The following DNAH17 variants were observed in gnomAD, a reference collection of about 807,000 sequenced individuals.
DNAH17 encodes the protein axonemal beta dynein heavy chain 17.
In DNAH17, 376 loss-of-function variants were observed where a neutral mutation model predicts 485.6. The observed-to-expected ratio is 0.77, with a 90% confidence interval of 0.71 to 0.84. DNAH17 has a LOEUF of 0.84. DNAH17 is among the 40% of genes least tolerant of loss of function. DNAH17 has a pLI of 0.00. For synonymous variants in DNAH17, 3,031 were observed against 2,405.9 expected (o/e 1.26, Z -7.60); for missense variants, 6,370 against 5,839.3 (o/e 1.09, Z -2.96).
In DNAH17 at chr17:78,560,851, G is replaced by A. The variant is rs1229395331; in HGVS notation, c.1920C>T (p.Ile640=). 6.4e-7 allele frequency: 1 copy of A among 1,551,858 alleles called. No individual in the cohort carries two copies. The highest frequency in any genetic ancestry group is 2.0e-5 in the Admixed American group (1 of 51,018). The change falls in exon 13 of 81, where the codon ATC becomes ATT. Residue 640 remains isoleucine (I), a synonymous_variant. Transcript: ENST00000389840. ...MELLRCHREK[I]YQQWVAGVDQ... is the part of the protein sequence containing the mutation. ...CCACGCCCGCCACCCACTGCTGGTA[G>A]ATCTTCTCGCGGTGGCACCTCAGCA...
In DNAH17 at chr17:78,428,583, T is replaced by G. The variant is rs1568037461; in HGVS notation, c.12530A>C (p.Glu4177Ala). The G allele has an allele frequency of 6.2e-7, 1 of 1,613,926 alleles. No homozygotes were observed. Among genetic ancestry groups the G allele is most frequent in the Non-Finnish European group, 8.5e-7 (1 of 1,179,868 alleles). Residue 4177 changes from glutamate (E) to alanine (A), a missense_variant, in exon 77 of 81, where the codon GAA becomes GCA. Physicochemically the swap from Glu to Ala is moderately radical, Grantham distance 107. Transcript: ENST00000389840. ...TSEKLFRTVL[E>A]MQPKETDSGA... The stretch of plus-strand genomic sequence containing the variant: ...CGAGTCCGTCTCTTTTGGCTGCATT[T>G]CCAGGACAGTGCGGAACAGCTTCTC...
At chr17:78,458,831 C>G in intron 61 of DNAH17, 151 bp from the exon 62 acceptor site, 5 of 1,011,676 alleles carry the variant, frequency 4.9e-6, no homozygotes, top group Non-Finnish European at 7.5e-6. Flanking sequence ...GCTAAGGACA[C>G]CAAGCGGCTC....
Position 78,558,153 on chromosome 17 carries a change from C to A in DNAH17, c.2133G>T (p.Arg711=), listed in dbSNP as rs780516148. Residue 711 remains arginine, a synonymous_variant, in exon 14 of 81, where the codon CGG becomes CGT. Coordinates refer to ENST00000389840, the MANE Select transcript of DNAH17 (RefSeq NM_173628.4). The part of the protein sequence containing the change: ...ESLFSENETF[R]KFVGNLELIV... ...TGAGCTCCAGGTTGCCCACAAACTT[C>A]CGGAAAGTTTCGTTCTCTGAGAACA... The A allele has an allele frequency of 3.1e-6, 5 of 1,613,818 alleles. No homozygotes were observed. The Admixed American group carries it at 8.3e-5, about 27-fold the overall frequency.
In DNAH17 at chr17:78,558,126, G is replaced by T. The variant is rs761314040; in HGVS notation, c.2160C>A (p.Ile720=). ...FRKFVGNLEL[I]VGWYNEIKTI... The stretch of plus-strand genomic sequence containing the variant: ...AACTCACCTCATTATACCAGCCAAC[G>T]ATGAGCTCCAGGTTGCCCACAAACT... Residue 720 remains isoleucine, a synonymous_variant, in exon 14 of 81, where the codon ATC becomes ATA. Transcript: ENST00000389840. 6.2e-7 allele frequency: 1 copy of T among 1,613,298 alleles called. No homozygotes were observed. The highest frequency in any genetic ancestry group is 1.7e-5 in the Admixed American group (1 of 59,926).
intron 69 of DNAH17, among the ~76,000 whole-genome samples, chr17:78,448,862 G>A (rs1386040226): frequency 6.6e-6 from 1 of 152,152 alleles, no homozygotes; most frequent in African/African-American, 2.4e-5. Context: ...ACTTTCATAT[G>A]GAACTTCCCA....
At chr17:78,572,118 G>C (rs2092367175) in intron 3 of DNAH17, among the ~76,000 whole-genome samples, 2 of 152,130 alleles carry the variant, frequency 1.3e-5, no homozygotes, top group Admixed American at 1.3e-4. Context: ...GGTGCTTGGG[G>C]CTTTGTGAAT....
chr17:78,515,923 A>T (rs1212350413), intron 25 of DNAH17, among the ~76,000 whole-genome samples: 8 of 152,246 alleles, frequency 5.3e-5, no homozygotes, highest in Admixed American at 5.2e-4. Context: ...ACTCACAACA[A>T]TATGAAACAA....
intron 25 of DNAH17, among the ~76,000 whole-genome samples, chr17:78,515,603 T>A (rs2090759388): frequency 6.6e-6 from 1 of 152,254 alleles, no homozygotes; most frequent in South Asian, 2.1e-4. Flanking sequence ...GACCCAGTTT[T>A]CTCTCACTTC....
In DNAH17 at chr17:78,441,040, G is replaced by A. The variant is rs745971526; in HGVS notation, c.11677+11C>T. On this transcript the variant is annotated intron_variant, in intron 72 of 80. Coordinates refer to ENST00000389840, the MANE Select transcript of DNAH17 (RefSeq NM_173628.4). The stretch of plus-strand genomic sequence containing the variant: ...CCGTCTTTGAGAACATCACTTGCCT[G>A]CTACACTTACCCAGGGCTTCCACGT... 19 of 1,568,802 alleles carry A rather than the reference G, an allele frequency of 1.2e-5. No homozygotes were observed. The highest frequency in any genetic ancestry group is 1.6e-5 in the Non-Finnish European group (18 of 1,156,114).
chr17:78,431,021 C>T lies in DNAH17; in HGVS notation c.12226-1721G>A, dbSNP rs187991793. 8.9e-5 allele frequency among the ~76,000 whole-genome samples: 13 copies of T among 146,482 alleles called. No individual in the cohort carries two copies. The East Asian group carries it at 2.5e-3, about 29-fold the overall frequency. On this transcript the variant is annotated intron_variant, in intron 75 of 80. Transcript: ENST00000389840. ...TCAGCCTCCCAAGTAGCTGGGCCTA[C>T]AGTCACACCACCATGCCAGACTAAT...
rs2088046679 is a variant in DNAH17, at chr17:78,460,345, C to CATGTGTGTGCATGTGTGTG, written c.9340-89_9340-88insCACACACATGCACACACAT. ...ACGTGCATGTGTGTGCATGTGTGTG[C>CATGTGTGTGCATGTGTGTG]ATGTGTGTGCATGTATGCACGTGCA... On this transcript the variant is annotated intron_variant, in intron 58 of 80. Transcript: ENST00000389840. 4 of 977,878 alleles carry CATGTGTGTGCATGTGTGTG rather than the reference C, an allele frequency of 4.1e-6. No individual in the cohort carries two copies. The African/African-American group carries it at 6.3e-5, about 15-fold the overall frequency. The allele number at this position is 977,878 out of a possible 1,614,324, so 60.6% of individuals were successfully genotyped here.
At chr17:78,571,089 C>T (rs959634921) in intron 5 of DNAH17, 56 bp from the exon 6 acceptor site, 39 of 1,490,690 alleles carry the variant, frequency 2.6e-5, no homozygotes, top group Middle Eastern at 1.7e-4. Flanking sequence ...TGCTCAGAAA[C>T]GATGAGGGTG....
chr17:78,521,762 G>T (rs558103541), intron 25 of DNAH17, among the ~76,000 whole-genome samples: 1 of 152,148 alleles, frequency 6.6e-6, no homozygotes, highest in Non-Finnish European at 1.5e-5. Context: ...CAAGGCGGGC[G>T]CATTGCCTGA....
In DNAH17 at chr17:78,507,295, C is replaced by T. The variant is rs1439465490; in HGVS notation, c.4659G>A (p.Leu1553=). The T allele has an allele frequency of 5.0e-6, 8 of 1,614,022 alleles. No homozygotes were observed. The highest frequency in any genetic ancestry group is 6.8e-6 in the Non-Finnish European group (8 of 1,179,898). The change falls in exon 29 of 81, where the codon CTG becomes CTA. Residue 1553 remains leucine (L), a synonymous_variant. Transcript: ENST00000389840. The part of the protein sequence containing the change: ...ATSKPGLYNK[L]EALKKSLAIC... The stretch of plus-strand genomic sequence containing the variant: ...AGCCGCACCTCTTCTTCAGGGCCTC[C>T]AGTTTATTGTAGAGGCCGGGTTTGC...
At position 78,570,950 on chromosome 17, in the gene DNAH17, T is replaced by C. The variant is rs926868249; in HGVS notation, c.916A>G (p.Met306Val). ...LEEMEQADFT[M>V]LPTFIAKVLD... Reference sequence around the variant, plus strand: ...CCGGCTCTCCCTTGCCTGCGCACCATCGTGAAGTCGGCTTGTTCCATCTCC... The same window carrying C: ...CCGGCTCTCCCTTGCCTGCGCACCACCGTGAAGTCGGCTTGTTCCATCTCC... Residue 306 changes from methionine to valine, a missense_variant and splice_region_variant, in exon 6 of 81, where the codon ATG becomes GTG. Met to Val is a conservative substitution (Grantham distance 21). Coordinates refer to ENST00000389840, the MANE Select transcript of DNAH17 (RefSeq NM_173628.4). 9.1e-6 allele frequency: 14 copies of C among 1,544,096 alleles called. No homozygotes were observed. Among genetic ancestry groups the C allele is most frequent in the Admixed American group, 1.9e-5 (1 of 53,736 alleles).
intron 12 of DNAH17, 67 bp downstream of exon 12, chr17:78,561,648 A>C (rs1403658195): frequency 6.6e-7 from 1 of 1,507,230 alleles, no homozygotes; most frequent in Non-Finnish European, 8.9e-7. Flanking sequence ...CGGGGTTGGG[A>C]CAGTCCCTCT....
intron 36 of DNAH17, 107 bp downstream of exon 36, chr17:78,500,198 G>A: frequency 7.9e-7 from 1 of 1,262,324 alleles, no homozygotes. Context: ...CCATTCACAG[G>A]TATCCAGAGA....
intron 57 of DNAH17, 93 bp downstream of exon 57, chr17:78,462,751 T>A (rs1009055080): frequency 7.8e-7 from 1 of 1,275,404 alleles, no homozygotes; most frequent in Non-Finnish European, 1.1e-6. Flanking sequence ...TGAGCCCCAG[T>A]GTGACCAGCC....
intron 77 of DNAH17, among the ~76,000 whole-genome samples, chr17:78,428,030 C>T (rs1005980096): frequency 4.0e-5 from 6 of 151,210 alleles, no homozygotes; most frequent in African/African-American, 1.5e-4. Context: ...CCCAGACAAG[C>T]GAGAATTTGT....
Sources: gnomAD v4.1 joint callset for allele counts (sites outside exome capture counted in the v4.1 genomes callset) on GRCh38, gnomAD v4.1.1 for gene constraint, MANE v1.5 for transcripts, NCBI Gene and HGNC (gene_info 2026-07-23, HGNC 2026-07-21) for gene names.